The following BHMT2 variants were observed in gnomAD, a reference collection of about 807,000 sequenced individuals.
BHMT2 encodes the protein S-methylmethionine--homocysteine S-methyltransferase BHMT2.
A neutral mutation model predicts 39.0 loss-of-function variants in BHMT2; 28 were observed. The ratio of observed to expected loss-of-function variants is 0.72; its 90% confidence interval spans 0.53 to 0.98. The LOEUF (loss-of-function observed/expected upper bound fraction) is 0.98, where lower values mean the gene tolerates loss of function less well. BHMT2 is among the 50% of genes least tolerant of loss of function. The probability of loss-of-function intolerance (pLI) is 0.00; values close to 1 mark genes in which losing one functional copy is unlikely to be tolerated. For synonymous variants in BHMT2, 145 were observed against 160.6 expected (o/e 0.90, Z 0.74); for missense variants, 410 against 455.6 (o/e 0.90, Z 0.91).
intron 7 of BHMT2, among the ~76,000 whole-genome samples, chr5:79,084,601 A>G (rs543822068): frequency 1.8e-4 from 27 of 151,956 alleles, no homozygotes; most frequent in Non-Finnish European, 2.6e-4. Flanking sequence ...TCATGACCCA[A>G]TCACCTCCCA....
intron 1 of BHMT2, among the ~76,000 whole-genome samples, chr5:79,072,948 T>C (rs1221167367): frequency 1.3e-5 from 2 of 149,242 alleles, no homozygotes; most frequent in Non-Finnish European, 3.0e-5. Flanking sequence ...TCGACAATTG[T>C]TTGAGTAAAT....
chr5:79,090,057 G>A lies in BHMT2; in HGVS notation c.*1483G>A, dbSNP rs926477187. ...TTTATCAATTTGTGGCAATAAAAAT[G>A]ATTTACCTTTTATAGTGTTTGAATG... On this transcript the variant is annotated 3_prime_UTR_variant, in exon 8 of 8. Coordinates refer to ENST00000255192, the MANE Select transcript of BHMT2 (RefSeq NM_017614.5). Among the ~76,000 whole-genome samples, 1 of 152,186 alleles carries A rather than the reference G, an allele frequency of 6.6e-6. No individual in the cohort carries two copies. Among genetic ancestry groups the A allele is most frequent in the Non-Finnish European group, 1.5e-5 (1 of 68,026 alleles).
At position 79,083,045 on chromosome 5, in the gene BHMT2, A is replaced by G. The variant is rs1755821523; in HGVS notation, c.598+89A>G. 1.9e-6 allele frequency: 3 copies of G among 1,585,960 alleles called. No homozygotes were observed. The African/African-American group carries it at 4.0e-5, about 21-fold the overall frequency. On this transcript the variant is annotated intron_variant, in intron 5 of 7. Transcript: ENST00000255192. Reference sequence around the variant, plus strand: ...CTTGATATTGTGAGAGCAGTTTGGAAATAGAAGAATGAACTCCAATCAGTT... The same window carrying G: ...CTTGATATTGTGAGAGCAGTTTGGAGATAGAAGAATGAACTCCAATCAGTT...
At chr5:79,072,007 C>T (rs2112691732) in intron 1 of BHMT2, among the ~76,000 whole-genome samples, 1 of 152,156 alleles carries the variant, frequency 6.6e-6, no homozygotes, top group Admixed American at 6.5e-5. Flanking sequence ...TGGCTCACAC[C>T]TGTAATCCTA....
In BHMT2 at chr5:79,083,269, C is replaced by A; in HGVS notation, c.676C>A (p.Leu226Ile). The A allele has an allele frequency of 6.2e-7, 1 of 1,614,196 alleles. No homozygotes were observed. Among genetic ancestry groups the A allele is most frequent in the Non-Finnish European group, 8.5e-7 (1 of 1,180,038 alleles). Residue 226 changes from leucine (L) to isoleucine (I), a missense_variant, in exon 6 of 8, where the codon CTT (leucine) becomes ATT (isoleucine). Coordinates refer to ENST00000255192, the MANE Select transcript of BHMT2 (RefSeq NM_017614.5). ...LKTMELMKEG[L>I]EWAGLKAHLM... ...GACGATGGAGCTCATGAAGGAGGGT[C>A]TTGAGTGGGCAGGGCTGAAAGCGCA... is the stretch of plus-strand genomic sequence containing the variant.
chr5:79,087,010 G>GTATA (rs71615505), intron 7 of BHMT2, among the ~76,000 whole-genome samples: 1,974 of 113,200 alleles, frequency 0.017, 30 homozygotes, highest in East Asian at 0.024. Context: ...GTGTGTGTGT[G>GTATA]TGTGTATATA....
intron 1 of BHMT2, among the ~76,000 whole-genome samples, chr5:79,075,409 C>A (rs968141776): frequency 6.6e-6 from 1 of 152,038 alleles, no homozygotes; most frequent in Non-Finnish European, 1.5e-5. Context: ...CAGTAAGCTG[C>A]CTATGTACCC....
At chr5:79,087,116 C>T (rs1457306098) in intron 7 of BHMT2, among the ~76,000 whole-genome samples, 1 of 149,210 alleles carries the variant, frequency 6.7e-6, no homozygotes, top group Admixed American at 6.7e-5. Context: ...TCTCTGCTGT[C>T]TTCTCTCTGT....
intron 5 of BHMT2, 45 bp downstream of exon 5, chr5:79,083,001 C>T (rs41272270): frequency 0.091 from 146,440 of 1,608,400 alleles, 7,323 homozygotes; most frequent in Non-Finnish European, 0.11. Flanking sequence ...TTGTTGCTTA[C>T]GAAATTTAAC....
Position 79,077,527 on chromosome 5 carries a change from C to T in BHMT2, c.81C>T (p.Gly27=). Residue 27 remains glycine, a synonymous_variant, in exon 2 of 8, where the codon GGC becomes GGT. Coordinates refer to ENST00000255192, the MANE Select transcript of BHMT2 (RefSeq NM_017614.5). ...GTGGGGAGGTTGTGATTGGAGATGG[C>T]AGCTTTCTCATTACTCTGGAGAAGA... is the stretch of plus-strand genomic sequence containing the variant. ...LESGEVVIGD[G]SFLITLEKRG... 2.5e-6 allele frequency: 4 copies of T among 1,613,524 alleles called. No individual in the cohort carries two copies. The highest frequency in any genetic ancestry group is 3.4e-6 in the Non-Finnish European group (4 of 1,179,958).
At chr5:79,074,406 C>A (rs771339464) in intron 1 of BHMT2, among the ~76,000 whole-genome samples, 2 of 152,202 alleles carry the variant, frequency 1.3e-5, no homozygotes, top group Admixed American at 1.3e-4. Flanking sequence ...AAGATCCTCA[C>A]GTCTGCTTTA....
At chr5:79,081,995 G>A (rs887417183) in intron 4 of BHMT2, among the ~76,000 whole-genome samples, 1 of 152,186 alleles carries the variant, frequency 6.6e-6, no homozygotes, top group African/African-American at 2.4e-5. Flanking sequence ...GCAGGGACAA[G>A]CACAAATTCC....
chr5:79,083,808 G>T lies in BHMT2; in HGVS notation c.962G>T (p.Ser321Ile). Residue 321 changes from serine (S) to isoleucine (I), a missense_variant, in exon 7 of 8, where the codon AGC becomes ATC. Ser to Ile is a moderately radical substitution (Grantham distance 142). Transcript: ENST00000255192. The part of the protein sequence containing the change: ...FLPPASEKHG[S>I]WGSGLDMHTK... ...CCACCAGCTTCAGAAAAACACGGCAGCTGGGGAAGTGGTTTGGACATGCAC... is the reference window on the plus strand; with the variant it reads ...CCACCAGCTTCAGAAAAACACGGCATCTGGGGAAGTGGTTTGGACATGCAC... 2 of 1,614,194 alleles carry T rather than the reference G, an allele frequency of 1.2e-6. No homozygotes were observed. The highest frequency in any genetic ancestry group is 2.2e-5 in the South Asian group (2 of 91,078).
chr5:79,083,963 G>C (rs920355208), intron 7 of BHMT2, 107 bp downstream of exon 7: 32 of 1,433,794 alleles, frequency 2.2e-5, no homozygotes, highest in Non-Finnish European at 2.5e-5. Flanking sequence ...AATGTATAAA[G>C]TGAAAAGTAA....
At chr5:79,079,321 A>C in intron 2 of BHMT2, 48 bp from the exon 3 acceptor site, 1 of 1,364,336 alleles carries the variant, frequency 7.3e-7, no homozygotes, top group Non-Finnish European at 1.0e-6. Context: ...CTTCTGTAAT[A>C]TTTCTTTATT....
In BHMT2 at chr5:79,080,811, T is replaced by A; in HGVS notation, c.383T>A (p.Ile128Asn). 1 of 1,605,304 alleles carries A rather than the reference T, an allele frequency of 6.2e-7. No homozygotes were observed. The highest frequency in any genetic ancestry group is 8.5e-7 in the Non-Finnish European group (1 of 1,177,544). The stretch of plus-strand genomic sequence containing the variant: ...AAATACCAGAAGGATGAAGCTAGAA[T>A]TAAAAAACTTTTTCGACAACAGCTA... Reference protein sequence around the residue: ...IYKYQKDEARIKKLFRQQLEV... With the variant: ...IYKYQKDEARNKKLFRQQLEV... Residue 128 changes from isoleucine to asparagine, a missense_variant, in exon 4 of 8, where the codon ATT becomes AAT. Ile to Asn is a moderately radical substitution (Grantham distance 149). Coordinates refer to ENST00000255192, the MANE Select transcript of BHMT2 (RefSeq NM_017614.5).
intron 3 of BHMT2, among the ~76,000 whole-genome samples, chr5:79,079,831 A>G (rs1371667136): frequency 6.6e-6 from 1 of 151,798 alleles, no homozygotes; most frequent in South Asian, 2.1e-4. Flanking sequence ...GGGAGATAGC[A>G]TTGAGCCGAG....
Position 79,079,358 on chromosome 5 carries a change from C to A in BHMT2, c.167-11C>A. 1 of 1,591,992 alleles carries A rather than the reference C, an allele frequency of 6.3e-7. No individual in the cohort carries two copies. The highest frequency in any genetic ancestry group is 8.6e-7 in the Non-Finnish European group (1 of 1,163,060). ...ATTTATTTCAATGTTTAAAACCCAA[C>A]TACTTTGTAGTTCGTCAACTTCACA... On this transcript the variant is annotated splice_polypyrimidine_tract_variant and intron_variant, in intron 2 of 7. Transcript: ENST00000255192.
Position 79,080,699 on chromosome 5 carries a change from AATG to A in BHMT2, c.272_274del (p.Asn91_Ala92delinsThr). On this transcript the variant is annotated inframe_deletion, in exon 4 of 8. Transcript: ENST00000255192. ...TCTCTAACCTCAGTGGGAAGATGTA[AATG>A]CTGCTGCCTGTGACCTCGCCAGGGA... 6.3e-7 allele frequency: 1 copy of A among 1,590,800 alleles called. No individual in the cohort carries two copies. Among genetic ancestry groups the A allele is most frequent in the African/African-American group, 1.4e-5 (1 of 73,170 alleles).
Sources: gnomAD v4.1 joint callset for allele counts (sites outside exome capture counted in the v4.1 genomes callset) on GRCh38, gnomAD v4.1.1 for gene constraint, MANE v1.5 for transcripts, NCBI Gene and HGNC (gene_info 2026-07-23, HGNC 2026-07-21) for gene names.